Variants in EPHA6 observed in about 807,000 individuals in gnomAD.
The protein encoded by EPHA6 is EPH receptor A6.
EPHA6 carries 50 observed loss-of-function variants against 112.0 expected under a neutral mutation model. The ratio of observed to expected loss-of-function variants is 0.45; its 90% CI spans 0.36 to 0.56. EPHA6 has a LOEUF of 0.56. Among genes scored for constraint, EPHA6 ranks in the 20% least tolerant of loss-of-function variants. The pLI is 0.00. For missense variants in EPHA6, 1,280 were observed against 1,417.4 expected, an observed-to-expected ratio of 0.90 and a Z score of 1.56; for synonymous variants, 529 against 490.7, an observed-to-expected ratio of 1.08 and a Z score of -1.03.
At chr3:97,054,005 A>G (rs1171243042) in intron 3 of EPHA6, among the ~76,000 whole-genome samples, 1 of 152,072 alleles carries the variant, frequency 6.6e-6, no homozygotes, top group African/African-American at 2.4e-5. Context: ...TCTTTCTGTT[A>G]TAACACAGTG....
chr3:97,522,038 C>T (rs1349137878), intron 10 of EPHA6, among the ~76,000 whole-genome samples: 2 of 152,062 alleles, frequency 1.3e-5, no homozygotes, highest in Admixed American at 1.3e-4. Flanking sequence ...ATCCTCCCAC[C>T]TCAGCCTTCT....
At chr3:97,008,506 C>A (rs1021172549) in intron 3 of EPHA6, among the ~76,000 whole-genome samples, 2 of 152,136 alleles carry the variant, frequency 1.3e-5, no homozygotes, top group Non-Finnish European at 2.9e-5. Flanking sequence ...GTTAGCAGTT[C>A]CTCTAACCTT....
chr3:97,268,645 A>C (rs1210764707), intron 5 of EPHA6, among the ~76,000 whole-genome samples: 1 of 152,180 alleles, frequency 6.6e-6, no homozygotes, highest in East Asian at 1.9e-4. Context: ...GCTATAATTT[A>C]TTAAAAGAAC....
chr3:96,917,755 A>G (rs1000488633), intron 2 of EPHA6, among the ~76,000 whole-genome samples: 1 of 152,192 alleles, frequency 6.6e-6, no homozygotes, highest in Non-Finnish European at 1.5e-5. Context: ...AGGGAAAAAA[A>G]AAATGTCTCA....
intron 3 of EPHA6, among the ~76,000 whole-genome samples, chr3:97,088,768 C>T (rs2046979118): frequency 6.6e-6 from 1 of 152,074 alleles, no homozygotes; most frequent in Non-Finnish European, 1.5e-5. Flanking sequence ...TGATTTCCTC[C>T]CAGTGTCTGT....
rs182654005 is a variant in EPHA6, at chr3:97,294,482, A to G, written c.1606+50195A>G. 1.3e-3 allele frequency among the ~76,000 whole-genome samples: 192 copies of G among 152,324 alleles called. 2 individuals carry two copies. Among genetic ancestry groups the G allele is most frequent in the Non-Finnish European group, 2.1e-3 (141 of 68,038 alleles). On this transcript the variant is annotated intron_variant, in intron 5 of 17. Coordinates refer to ENST00000389672, the MANE Select transcript of EPHA6 (RefSeq NM_001080448.3). ...TTTTTAAAATTCATTCAACCAGTCTATATTTTTCAGTAGAAAATTTAATCT... is the reference window on the plus strand; with the variant it reads ...TTTTTAAAATTCATTCAACCAGTCTGTATTTTTCAGTAGAAAATTTAATCT...
At chr3:96,933,713 A>G (rs1329380882) in intron 2 of EPHA6, among the ~76,000 whole-genome samples, 1 of 152,150 alleles carries the variant, frequency 6.6e-6, no homozygotes, top group Non-Finnish European at 1.5e-5. Context: ...TTTAGTTATG[A>G]ATTTTAAGGA....
chr3:97,125,255 G>A (rs2048151816), intron 3 of EPHA6, among the ~76,000 whole-genome samples: 1 of 152,112 alleles, frequency 6.6e-6, no homozygotes, highest in African/African-American at 2.4e-5. Flanking sequence ...CTTTAGCTAA[G>A]AAAGAATTTA....
intron 2 of EPHA6, among the ~76,000 whole-genome samples, chr3:96,908,634 A>T (rs556294088): frequency 1.3e-5 from 2 of 151,892 alleles, no homozygotes; most frequent in African/African-American, 4.8e-5. Flanking sequence ...ATACCTAGCC[A>T]TTGTTAACTG....
intron 14 of EPHA6, among the ~76,000 whole-genome samples, chr3:97,645,769 T>G (rs2094055535): frequency 6.6e-6 from 1 of 152,204 alleles, no homozygotes; most frequent in African/African-American, 2.4e-5. Context: ...TATAATTCAG[T>G]TTTTTTAAGT....
At chr3:97,259,112 T>C (rs1437778279) in intron 5 of EPHA6, among the ~76,000 whole-genome samples, 1 of 152,158 alleles carries the variant, frequency 6.6e-6, no homozygotes, top group African/African-American at 2.4e-5. Context: ...ATCTCAGTAA[T>C]GTTTCCTCTC....
At chr3:97,563,481 T>C (rs1213180211) in intron 11 of EPHA6, among the ~76,000 whole-genome samples, 3 of 152,130 alleles carry the variant, frequency 2.0e-5, no homozygotes, top group South Asian at 2.1e-4. Flanking sequence ...TAGGGACATA[T>C]CAGCAAGAGT....
chr3:97,058,397 A>T (rs2045917918), intron 3 of EPHA6, among the ~76,000 whole-genome samples: 1 of 152,050 alleles, frequency 6.6e-6, no homozygotes, highest in Non-Finnish European at 1.5e-5. Context: ...TCCCAGGTTC[A>T]AGAGATTCTC....
intron 16 of EPHA6, among the ~76,000 whole-genome samples, chr3:97,740,612 A>G (rs2035461810): frequency 6.6e-6 from 1 of 152,164 alleles, no homozygotes; most frequent in African/African-American, 2.4e-5. Flanking sequence ...TAATATGTGA[A>G]TCATGAAGGT....
intron 13 of EPHA6, among the ~76,000 whole-genome samples, chr3:97,635,950 A>C (rs1261652071): frequency 6.6e-6 from 1 of 152,098 alleles, no homozygotes; most frequent in East Asian, 1.9e-4. Flanking sequence ...ATTTTTCAGA[A>C]AAGTGAGAAG....
intron 10 of EPHA6, among the ~76,000 whole-genome samples, chr3:97,530,673 A>T (rs1322919444): frequency 6.6e-6 from 1 of 151,760 alleles, no homozygotes. Flanking sequence ...TATCATATGC[A>T]CTGAATTTTC....
rs561791912 is a variant in EPHA6, at chr3:96,820,430, T to G, written c.385+5422T>G. Among the ~76,000 whole-genome samples the G allele has an allele frequency of 8.5e-5, 13 of 152,118 alleles. No individual in the cohort carries two copies. In the South Asian group the frequency reaches 2.5e-3, roughly 29 times the overall value. Reference sequence around the variant, plus strand: ...GGGCAAGATGTATGGTGGCCTGGCATAGAGTGATGTCGGTGGAGCTGGAGA... The same window carrying G: ...GGGCAAGATGTATGGTGGCCTGGCAGAGAGTGATGTCGGTGGAGCTGGAGA... On this transcript the variant is annotated intron_variant, in intron 1 of 17. Coordinates refer to ENST00000389672, the MANE Select transcript of EPHA6 (RefSeq NM_001080448.3).
intron 10 of EPHA6, among the ~76,000 whole-genome samples, chr3:97,503,486 T>C (rs146071935): frequency 1.3e-5 from 2 of 152,326 alleles, no homozygotes; most frequent in Admixed American, 1.3e-4. Context: ...CCTTTCCTTC[T>C]ACCCTGCACC....
At chr3:97,110,608 T>C (rs1446052224) in intron 3 of EPHA6, among the ~76,000 whole-genome samples, 1 of 152,104 alleles carries the variant, frequency 6.6e-6, no homozygotes, top group African/African-American at 2.4e-5. Flanking sequence ...CACTGCAGCC[T>C]CTGTCTCCAG....
Sources: allele counts gnomAD v4.1 joint callset (sites outside exome capture counted in the v4.1 genomes callset), GRCh38; gene constraint gnomAD v4.1.1; transcripts MANE v1.5; gene names NCBI Gene and HGNC (gene_info 2026-07-23, HGNC 2026-07-21).